Variants in PALM2AKAP2 observed in about 807,000 individuals in gnomAD.
PALM2AKAP2 encodes the protein PALM2-AKAP2 fusion protein.
A neutral mutation model predicts 71.5 loss-of-function variants in PALM2AKAP2; 37 were observed. The ratio of observed to expected loss-of-function variants is 0.52; its 90% confidence interval spans 0.40 to 0.68. The LOEUF (loss-of-function observed/expected upper bound fraction) is 0.68, where lower values mean the gene tolerates loss of function less well. PALM2AKAP2 is among the 30% of genes least tolerant of loss of function. The pLI is 0.00. For missense variants in PALM2AKAP2, 1,224 were observed against 1,191.8 expected (o/e 1.03, Z -0.40); for synonymous variants, 468 against 478.8 (o/e 0.98, Z 0.29).
chr9:109,968,495 A>G (rs1040989569), intron 6 of PALM2AKAP2, among the ~76,000 whole-genome samples: 3 of 152,190 alleles, frequency 2.0e-5, no homozygotes, highest in East Asian at 1.9e-4. Flanking sequence ...GTCTAGCTAT[A>G]TCATCAACAG....
chr9:110,073,312 G>A (rs1834248096), intron 1 of PALM2AKAP2, among the ~76,000 whole-genome samples: 2 of 152,182 alleles, frequency 1.3e-5, no homozygotes, highest in South Asian at 4.1e-4. Flanking sequence ...AAGACTACAG[G>A]TTGTTCTCTC....
Position 109,695,284 on chromosome 9 carries a change from A to G in PALM2AKAP2, c.5+54418A>G, listed in dbSNP as rs895082743. On this transcript the variant is annotated intron_variant, in intron 1 of 6. Coordinates refer to the PALM2AKAP2 transcript ENST00000374531. Reference sequence around the variant, plus strand: ...ACATGGGAATGAAGATGTCCCTTCTATAACTGATTTCGTTTCTTTTGGATG... The same window carrying G: ...ACATGGGAATGAAGATGTCCCTTCTGTAACTGATTTCGTTTCTTTTGGATG... 2.0e-5 allele frequency among the ~76,000 whole-genome samples: 3 copies of G among 152,332 alleles called. No individual in the cohort carries two copies. The East Asian group carries it at 5.8e-4, about 29-fold the overall frequency.
chr9:109,942,547 A>T (rs1831397281), intron 6 of PALM2AKAP2: 1 of 867,908 alleles, frequency 1.2e-6, no homozygotes, highest in Non-Finnish European at 1.7e-6. Flanking sequence ...CACAGTGCGC[A>T]CCTCACTCTA....
At chr9:109,746,800 G>C (rs1203037365) in intron 1 of PALM2AKAP2, among the ~76,000 whole-genome samples, 1 of 152,184 alleles carries the variant, frequency 6.6e-6, no homozygotes, top group South Asian at 2.1e-4. Flanking sequence ...GGGAGACTAA[G>C]AAACTTGCCC....
chr9:110,035,149 A>G (rs1172250535), intron 7 of PALM2AKAP2, among the ~76,000 whole-genome samples: 1 of 149,192 alleles, frequency 6.7e-6, no homozygotes, highest in Non-Finnish European at 1.5e-5. Flanking sequence ...TTTCTGCCTA[A>G]AATTTAAGAA....
In PALM2AKAP2 at chr9:109,759,005, G is replaced by A. The variant is rs185553515; in HGVS notation, c.6-21483G>A. On this transcript the variant is annotated intron_variant, in intron 1 of 6. Transcript: ENST00000374531. The stretch of plus-strand genomic sequence containing the variant: ...TATTTTCTATTCTGTGAGCTATTTC[G>A]TTCCTTTGCTCATTTTCTTAAAAAA... Among the ~76,000 whole-genome samples, 1,010 of 152,012 alleles carry A rather than the reference G, an allele frequency of 6.6e-3. 7 individuals are homozygous for A. The highest frequency in any genetic ancestry group is 8.2e-3 in the Non-Finnish European group (559 of 67,910).
intron 1 of PALM2AKAP2, among the ~76,000 whole-genome samples, chr9:110,077,646 G>A (rs941317985): frequency 2.6e-5 from 4 of 152,176 alleles, no homozygotes; most frequent in Non-Finnish European, 4.4e-5. Context: ...AATAAACCCA[G>A]TGGTTCTCCT....
At chr9:109,685,647 C>A (rs1361403774) in intron 1 of PALM2AKAP2, among the ~76,000 whole-genome samples, 1 of 152,008 alleles carries the variant, frequency 6.6e-6, no homozygotes, top group African/African-American at 2.4e-5. Context: ...AAAATGTGGA[C>A]AATTACTTGA....
intron 2 of PALM2AKAP2, among the ~76,000 whole-genome samples, chr9:109,869,372 A>G (rs1042911492): frequency 1.3e-5 from 2 of 152,084 alleles, no homozygotes; most frequent in Admixed American, 6.6e-5. Context: ...TCTGTCGCTC[A>G]GGCTGGAGTT....
chr9:110,051,063 T>G (rs1244468991), intron 1 of PALM2AKAP2, among the ~76,000 whole-genome samples: 1 of 152,238 alleles, frequency 6.6e-6, no homozygotes, highest in Non-Finnish European at 1.5e-5. Flanking sequence ...TCCCAGTCTT[T>G]ACTTAACCAA....
At chr9:110,048,331 C>T (rs540313887), upstream of PALM2AKAP2, among the ~76,000 whole-genome samples, 1 of 152,134 alleles carries the variant, frequency 6.6e-6, no homozygotes, top group African/African-American at 2.4e-5. Flanking sequence ...CCAACACACA[C>T]GTCCACATGC....
intron 1 of PALM2AKAP2, among the ~76,000 whole-genome samples, chr9:109,826,921 A>G (rs12001151): frequency 0.11 from 17,322 of 152,196 alleles, 1,537 homozygotes; most frequent in African/African-American, 0.25. Flanking sequence ...TCTCAAAGAT[A>G]TGGTTCTCCT....
At chr9:110,134,844 C>A (rs1488204787) in intron 1 of PALM2AKAP2, among the ~76,000 whole-genome samples, 1 of 151,898 alleles carries the variant, frequency 6.6e-6, no homozygotes, top group Non-Finnish European at 1.5e-5. Context: ...GGAAACAAAG[C>A]CAACCTAGGT....
intron 1 of PALM2AKAP2, among the ~76,000 whole-genome samples, chr9:109,739,716 C>T (rs573798367): frequency 2.0e-4 from 31 of 152,314 alleles, no homozygotes; most frequent in African/African-American, 7.0e-4. Context: ...GAGACACTTT[C>T]AATAATAACT....
At chr9:110,037,408 G>A (rs1415195961) in intron 7 of PALM2AKAP2, among the ~76,000 whole-genome samples, 1 of 152,144 alleles carries the variant, frequency 6.6e-6, no homozygotes, top group Non-Finnish European at 1.5e-5. Flanking sequence ...GTTACTCCAC[G>A]TTGGTTAGGC....
chr9:110,112,281 G>C (rs995598598), intron 1 of PALM2AKAP2, among the ~76,000 whole-genome samples: 1 of 151,992 alleles, frequency 6.6e-6, no homozygotes, highest in Non-Finnish European at 1.5e-5. Flanking sequence ...AGGATGTCAA[G>C]ATGTGCTTCT....
chr9:110,096,435 A>T (rs1466701351), intron 1 of PALM2AKAP2, among the ~76,000 whole-genome samples: 1 of 151,578 alleles, frequency 6.6e-6, no homozygotes. Context: ...GAATTTATTT[A>T]TTTATTTATT....
intron 6 of PALM2AKAP2, among the ~76,000 whole-genome samples, chr9:109,953,916 G>A (rs1379976591): frequency 6.6e-6 from 1 of 151,622 alleles, no homozygotes; most frequent in Non-Finnish European, 1.5e-5. Flanking sequence ...AGATAATGAG[G>A]TTATTTATGC....
chr9:109,757,380 T>C (rs1351639524), intron 1 of PALM2AKAP2, among the ~76,000 whole-genome samples: 3 of 152,106 alleles, frequency 2.0e-5, no homozygotes, highest in Non-Finnish European at 1.5e-5. Flanking sequence ...ATAACCTTGT[T>C]TGAAATAAAA....
Sources: gnomAD v4.1 joint callset for allele counts (sites outside exome capture counted in the v4.1 genomes callset) on GRCh38, gnomAD v4.1.1 for gene constraint, MANE v1.5 for transcripts, NCBI Gene and HGNC (gene_info 2026-07-23, HGNC 2026-07-21) for gene names.